The following FAM72C variants were observed in gnomAD, a reference collection of about 807,000 sequenced individuals.
The protein encoded by FAM72C is protein FAM72C.
A neutral mutation model predicts 5.2 loss-of-function variants in FAM72C; 1 was observed. The ratio of observed to expected loss-of-function variants is 0.19; its 90% CI spans 0.07 to 0.91. FAM72C has a LOEUF of 0.91. Among genes scored for constraint, FAM72C ranks in the 40% least tolerant of loss-of-function variants. FAM72C has a pLI of 0.66. For missense variants in FAM72C, 4 were observed against 66.0 expected (o/e 0.06, Z 3.25); for synonymous variants, 1 against 21.8 (o/e 0.05, Z 2.66).
chr1:143,959,012 G>C (rs1553517600), intron 3 of FAM72C, among the ~76,000 whole-genome samples: 1 of 126,198 alleles, frequency 7.9e-6, no homozygotes, highest in Admixed American at 8.0e-5. Context: ...GCAGAAGCTT[G>C]ATATTCTTGG....
intron 2 of FAM72C, among the ~76,000 whole-genome samples, chr1:143,965,315 C>T (rs1444653136): frequency 1.1e-5 from 1 of 88,732 alleles, no homozygotes; most frequent in East Asian, 2.9e-4. Context: ...CCTGCCTCAG[C>T]CTCCAGAATA....
chr1:143,962,071 A>G (rs1661655305), intron 3 of FAM72C, among the ~76,000 whole-genome samples: 1 of 138,794 alleles, frequency 7.2e-6, no homozygotes, highest in Non-Finnish European at 1.6e-5. Context: ...CTGGAGTGCA[A>G]TGGCGTGATC....
intron 2 of FAM72C, among the ~76,000 whole-genome samples, chr1:143,967,695 CT>C (rs1661814337): frequency 9.3e-6 from 1 of 107,194 alleles, no homozygotes; most frequent in African/African-American, 3.6e-5. Flanking sequence ...CAAACCCCTT[CT>C]AAATACAAAC....
In FAM72C at chr1:143,965,195, CTATTATTATTAT is replaced by C. The variant is rs1288339542; in HGVS notation, c.231-228_231-217del. 4.9e-4 allele frequency among the ~76,000 whole-genome samples: 45 copies of C among 91,590 alleles called. 1 individual carries two copies. The highest frequency in any genetic ancestry group is 1.5e-3 in the African/African-American group (38 of 24,616). The allele number at this position is 91,590 out of a possible 152,430, so 60.1% of individuals were successfully genotyped here. ...AGTAAAATATTCTCACATTTCTTTG[CTATTATTATTAT>C]TATTATTATTATTATTATTATTATT... On this transcript the variant is annotated intron_variant, in intron 2 of 3. Transcript: ENST00000584486.
intron 3 of FAM72C, among the ~76,000 whole-genome samples, chr1:143,962,292 G>A (rs1256989047): frequency 1.4e-5 from 2 of 144,120 alleles, no homozygotes; most frequent in African/African-American, 5.1e-5. Context: ...GGGATTACAG[G>A]CGTGAGCCAC....
At chr1:143,963,829 CT>C (rs1251099434) in intron 3 of FAM72C, among the ~76,000 whole-genome samples, 2 of 137,578 alleles carry the variant, frequency 1.5e-5, no homozygotes, top group African/African-American at 5.5e-5. Context: ...TTTTTTTTTT[CT>C]TTTTTGAGAC....
At chr1:143,966,107 G>A (rs1203007814) in intron 2 of FAM72C, among the ~76,000 whole-genome samples, 3 of 106,242 alleles carry the variant, frequency 2.8e-5, no homozygotes, top group Admixed American at 1.0e-4. Flanking sequence ...ACTATAAAAG[G>A]TACCATTCCA....
In FAM72C at chr1:143,967,023, G is replaced by A. The variant is rs1265503275; in HGVS notation, c.230+1901C>T. On this transcript the variant is annotated intron_variant, in intron 2 of 3. Transcript: ENST00000584486. ...AGCCTGGGCAACTGAGCAAGACTCC[G>A]TCTCAAAGCAAAACAAAAAAAATGT... Among the ~76,000 whole-genome samples, 45 of 142,574 alleles carry A rather than the reference G, an allele frequency of 3.2e-4. 5 individuals are homozygous for A. Among genetic ancestry groups the A allele is most frequent in the Non-Finnish European group, 5.8e-4 (38 of 65,070 alleles). The allele number at this position is 142,574 out of a possible 152,430, so 93.5% of individuals were successfully genotyped here.
At chr1:143,960,613 C>T (rs1213814141) in intron 3 of FAM72C, among the ~76,000 whole-genome samples, 11 of 130,610 alleles carry the variant, frequency 8.4e-5, no homozygotes, top group Admixed American at 6.3e-4. Context: ...TCTCGCTACT[C>T]GGGAGGCTGA....
chr1:143,965,834 G>A (rs1661758226), intron 2 of FAM72C, among the ~76,000 whole-genome samples: 3 of 105,812 alleles, frequency 2.8e-5, no homozygotes, highest in Middle Eastern at 4.8e-3. Flanking sequence ...AGCCTCCAGA[G>A]AAAGTTGCAA....
Position 143,962,173 on chromosome 1 carries a change from C to A in FAM72C, c.355+2682G>T, listed in dbSNP as rs1465575695. On this transcript the variant is annotated intron_variant, in intron 3 of 3. Coordinates refer to ENST00000584486, the MANE Select transcript of FAM72C (RefSeq NM_001287385.2). ...GGGATTATAGGCATGCGCCACCATGCCCAGCTAATTTTGTATTTTTAGTAG... is the reference window on the plus strand; with the variant it reads ...GGGATTATAGGCATGCGCCACCATGACCAGCTAATTTTGTATTTTTAGTAG... Among the ~76,000 whole-genome samples, 3 of 139,504 alleles carry A rather than the reference C, an allele frequency of 2.2e-5. 1 individual carries two copies. Among genetic ancestry groups the A allele is most frequent in the Non-Finnish European group, 4.7e-5 (3 of 63,254 alleles). 91.5% of individuals were successfully genotyped at this position (139,504 alleles called of 152,430 possible).
In FAM72C at chr1:143,967,006, C is replaced by A. The variant is rs1167245611; in HGVS notation, c.230+1918G>T. On this transcript the variant is annotated intron_variant, in intron 2 of 3. Transcript: ENST00000584486. Reference sequence around the variant, plus strand: ...TCATGCCATTGCACTCCAGCCTGGGCAACTGAGCAAGACTCCGTCTCAAAG... The same window carrying A: ...TCATGCCATTGCACTCCAGCCTGGGAAACTGAGCAAGACTCCGTCTCAAAG... Among the ~76,000 whole-genome samples the A allele has an allele frequency of 2.1e-5, 3 of 143,962 alleles. 1 individual carries two copies. Among genetic ancestry groups the A allele is most frequent in the Non-Finnish European group, 3.1e-5 (2 of 65,398 alleles). 94.4% of individuals were successfully genotyped at this position (143,962 alleles called of 152,430 possible).
chr1:143,960,488 G>A (rs1661582114), intron 3 of FAM72C, among the ~76,000 whole-genome samples: 1 of 137,302 alleles, frequency 7.3e-6, no homozygotes, highest in Admixed American at 7.4e-5. Context: ...AGCACTTTGG[G>A]AGGCTGAGGC....
chr1:143,966,683 G>A lies in FAM72C; in HGVS notation c.231-1704C>T, dbSNP rs1161152594. ...TGAAATAATATTTTGGATACATTGG[G>A]TTAGACAAAATATATGATTAAAATT... is the stretch of plus-strand genomic sequence containing the variant. On this transcript the variant is annotated intron_variant, in intron 2 of 3. Transcript: ENST00000584486. Among the ~76,000 whole-genome samples, 4 of 140,748 alleles carry A rather than the reference G, an allele frequency of 2.8e-5. 1 individual carries two copies. Among genetic ancestry groups the A allele is most frequent in the African/African-American group, 1.1e-4 (4 of 37,854 alleles). The allele number at this position is 140,748 out of a possible 152,430, so 92.3% of individuals were successfully genotyped here.
At chr1:143,965,770 G>C (rs1661757013) in intron 2 of FAM72C, among the ~76,000 whole-genome samples, 2 of 61,956 alleles carry the variant, frequency 3.2e-5, no homozygotes, top group African/African-American at 1.2e-4. Flanking sequence ...CAATCTGGCT[G>C]CTCTAATTTT....
intron 3 of FAM72C, among the ~76,000 whole-genome samples, chr1:143,959,376 T>G (rs1393094069): frequency 7.0e-6 from 1 of 143,750 alleles, no homozygotes; most frequent in Non-Finnish European, 1.5e-5. Context: ...GGAGACTGTA[T>G]CCCACTTAGG....
At chr1:143,962,247 C>G (rs1332721102) in intron 3 of FAM72C, among the ~76,000 whole-genome samples, 1 of 144,818 alleles carries the variant, frequency 6.9e-6, no homozygotes, top group Non-Finnish European at 1.5e-5. Flanking sequence ...CTCCCAACCT[C>G]AGGTGATCTG....
chr1:143,969,487 CAACATA>C (rs1371914832), intron 1 of FAM72C, among the ~76,000 whole-genome samples: 5 of 130,308 alleles, frequency 3.8e-5, no homozygotes, highest in Admixed American at 2.3e-4. Context: ...TTTGTGAGCT[CAACATA>C]AACATCTGAC....
chr1:143,967,145 C>A (rs1321550858), intron 2 of FAM72C, among the ~76,000 whole-genome samples: 2 of 145,598 alleles, frequency 1.4e-5, no homozygotes, highest in Non-Finnish European at 3.0e-5. Context: ...ACCAGCCTGG[C>A]TAACATGGCG....
Sources: gnomAD v4.1 joint callset for allele counts (sites outside exome capture counted in the v4.1 genomes callset) on GRCh38, gnomAD v4.1.1 for gene constraint, MANE v1.5 for transcripts, NCBI Gene and HGNC (gene_info 2026-07-23, HGNC 2026-07-21) for gene names.